The following TNRC6C variants were observed in gnomAD, a reference collection of about 807,000 sequenced individuals.
TNRC6C encodes trinucleotide repeat-containing gene 6C protein.
Under a neutral mutation model 153.7 loss-of-function variants are expected in TNRC6C, and 20 were observed. The observed-to-expected ratio is 0.13, with a 90% confidence interval of 0.09 to 0.19. The LOEUF is 0.19. TNRC6C is among the 10% of genes least tolerant of loss of function. The probability of loss-of-function intolerance (pLI) is 1.00; values close to 1 mark genes in which losing one functional copy is unlikely to be tolerated. For missense variants in TNRC6C, 1,987 were observed against 2,172.0 expected, an observed-to-expected ratio of 0.91 and a Z score of 1.69; for synonymous variants, 811 against 841.4, an observed-to-expected ratio of 0.96 and a Z score of 0.63.
chr17:78,049,419 G>A lies in TNRC6C; in HGVS notation c.357G>A (p.Ala119=), dbSNP rs774107038. The change falls in exon 3 of 20, where the codon GCG becomes GCA. Residue 119 remains alanine, a synonymous_variant. Transcript: ENST00000301624. The surrounding 1 kb of genome is among the most constrained non-coding windows in gnomAD (Gnocchi z 4.1). ...TACTTGGACATGAAGGAACCGTGGC[G>A]ACAGGCAACCCTTCCAGTATTTGCA... 5.0e-5 allele frequency: 80 copies of A among 1,613,854 alleles called. No homozygotes were observed. The highest frequency in any genetic ancestry group is 9.9e-5 in the South Asian group (9 of 91,086).
chr17:78,045,156 G>C (rs1414670294), intron 2 of TNRC6C, among the ~76,000 whole-genome samples: 1 of 152,248 alleles, frequency 6.6e-6, no homozygotes, highest in African/African-American at 2.4e-5. Flanking sequence ...GGGTGGGGCA[G>C]TAGGGGGCAT....
At chr17:78,077,113 C>T in intron 8 of TNRC6C, 72 bp from the exon 11 acceptor site, 1 of 1,506,964 alleles carries the variant, frequency 6.6e-7, no homozygotes, top group Non-Finnish European at 8.9e-7. Context: ...CCTCTGTTTC[C>T]TTGGGAAACT....
At chr17:77,985,273 C>G (rs2071146320) in intron 1 of TNRC6C, among the ~76,000 whole-genome samples, 1 of 152,074 alleles carries the variant, frequency 6.6e-6, no homozygotes, top group South Asian at 2.1e-4. Flanking sequence ...TACCCATGTT[C>G]CTTGCCTTGT....
chr17:78,098,931 T>G (rs2073538607), intron 17 of TNRC6C, among the ~76,000 whole-genome samples: 1 of 152,174 alleles, frequency 6.6e-6, no homozygotes, highest in Admixed American at 6.5e-5. Flanking sequence ...GATTTCTGCT[T>G]TTTATATTTG....
chr17:78,069,081 A>G (rs2072939619), intron 5 of TNRC6C, among the ~76,000 whole-genome samples: 1 of 152,232 alleles, frequency 6.6e-6, no homozygotes, highest in Admixed American at 6.5e-5. Flanking sequence ...GATAAATGTA[A>G]AAACTGTACA....
At chr17:77,960,433 C>T (rs1315192671) in intron 1 of TNRC6C, among the ~76,000 whole-genome samples, 2 of 152,140 alleles carry the variant, frequency 1.3e-5, no homozygotes, top group African/African-American at 4.8e-5. Flanking sequence ...TCGTACGTCC[C>T]TGAATGTAAT....
At chr17:78,019,983 C>T (rs749868354) in intron 1 of TNRC6C, among the ~76,000 whole-genome samples, 12 of 152,152 alleles carry the variant, frequency 7.9e-5, no homozygotes, top group Non-Finnish European at 1.5e-4. Context: ...ATCTGTGTTA[C>T]AAGAATAGAT....
chr17:78,039,585 T>C (rs1286134476), intron 2 of TNRC6C, among the ~76,000 whole-genome samples: 1 of 152,186 alleles, frequency 6.6e-6, no homozygotes, highest in Non-Finnish European at 1.5e-5. Context: ...GGGCTGACAA[T>C]TCTAAATGGA....
At chr17:78,091,181 A>C (rs2073386483) in intron 13 of TNRC6C, among the ~76,000 whole-genome samples, 1 of 152,174 alleles carries the variant, frequency 6.6e-6, no homozygotes, top group African/African-American at 2.4e-5. Flanking sequence ...CAGCACTAAA[A>C]GTTATAGTTA....
chr17:78,067,883 G>T, exon 5 of TNRC6C: 3 of 1,613,540 alleles, frequency 1.9e-6, no homozygotes, highest in Non-Finnish European at 2.5e-6. Flanking sequence ...ACCTCCTCCT[G>T]CAGCTCCTGG....
intron 1 of TNRC6C, among the ~76,000 whole-genome samples, chr17:78,023,696 C>T (rs1395079294): frequency 6.6e-6 from 1 of 151,942 alleles, no homozygotes; most frequent in Admixed American, 6.6e-5. Context: ...GTCCTAGCCA[C>T]TTGGGAGGCT....
At chr17:78,082,942 C>A in intron 10 of TNRC6C, 105 bp from the exon 13 acceptor site, 1 of 1,369,206 alleles carries the variant, frequency 7.3e-7, no homozygotes, top group East Asian at 2.4e-5. Flanking sequence ...AGGGGGTCTC[C>A]CTACAAATTA....
At chr17:78,084,621 CT>C (rs888498648) in intron 11 of TNRC6C, among the ~76,000 whole-genome samples, 254 of 134,120 alleles carry the variant, frequency 1.9e-3, no homozygotes, top group East Asian at 7.2e-3. Context: ...TTTTCTTTTT[CT>C]TTTTTTTTTT....
chr17:78,071,095 C>T (rs1463804804), exon 6 of TNRC6C: 15 of 1,603,910 alleles, frequency 9.4e-6, no homozygotes, highest in Admixed American at 3.4e-5. Flanking sequence ...GGCATGAAGA[C>T]GTCTGGCAAG....
chr17:78,084,153 G>A (rs940288853), intron 11 of TNRC6C, among the ~76,000 whole-genome samples: 1 of 151,986 alleles, frequency 6.6e-6, no homozygotes, highest in East Asian at 1.9e-4. Context: ...GCATGATGGC[G>A]CATGTCTGTA....
At chr17:78,091,097 A>G (rs16970803) in intron 13 of TNRC6C, among the ~76,000 whole-genome samples, 18,546 of 152,222 alleles carry the variant, frequency 0.12, 1,443 homozygotes, top group African/African-American at 0.21. Flanking sequence ...AAGACTATTC[A>G]CATTTTCACC....
intron 1 of TNRC6C, among the ~76,000 whole-genome samples, chr17:77,987,894 G>C (rs1315912535): frequency 6.6e-6 from 1 of 152,066 alleles, no homozygotes; most frequent in African/African-American, 2.4e-5. Flanking sequence ...TGGTCAGGCT[G>C]GTCTCGAACT....
upstream of TNRC6C, among the ~76,000 whole-genome samples, chr17:78,000,618 GC>G (rs35005797): frequency 0.012 from 151 of 13,058 alleles, 8 homozygotes; most frequent in African/African-American, 0.016. Flanking sequence ...TTCTCCCTCC[GC>G]CCCCCCCCCC....
chr17:78,088,133 G>C (rs1350897203), intron 13 of TNRC6C, among the ~76,000 whole-genome samples: 1 of 152,182 alleles, frequency 6.6e-6, no homozygotes, highest in Non-Finnish European at 1.5e-5. Flanking sequence ...TCTCTGAAAA[G>C]AGCGGTATAT....
Sources: allele counts gnomAD v4.1 joint callset (sites outside exome capture counted in the v4.1 genomes callset), GRCh38; gene constraint gnomAD v4.1.1; non-coding constraint Gnocchi (gnomAD v3.1); transcripts MANE v1.5; gene names NCBI Gene and HGNC (gene_info 2026-07-23, HGNC 2026-07-21).